Variants in SOX5 observed in about 807,000 individuals in gnomAD.
SOX5 encodes SRY-box transcription factor 5.
Under a neutral mutation model 92.0 loss-of-function variants are expected in SOX5, and 9 were observed. The ratio of observed to expected loss-of-function variants is 0.10; its 90% CI spans 0.06 to 0.17. The LOEUF is 0.17. Among genes scored for constraint, SOX5 ranks in the 10% least tolerant of loss-of-function variants. The probability of loss-of-function intolerance (pLI) is 1.00; values close to 1 mark genes in which losing one functional copy is unlikely to be tolerated. For missense variants in SOX5, 642 were observed against 944.5 expected, an observed-to-expected ratio of 0.68 and a Z score of 4.20; for synonymous variants, 344 against 336.3, an observed-to-expected ratio of 1.02 and a Z score of -0.25.
At chr12:23,750,839 T>C (rs866819354) in intron 4 of SOX5, among the ~76,000 whole-genome samples, 3 of 151,890 alleles carry the variant, frequency 2.0e-5, no homozygotes, top group Non-Finnish European at 4.4e-5. Context: ...TACAGCTCAA[T>C]TGAGATACAG....
chr12:24,459,761 A>T (rs1352600250), intron 1 of SOX5, among the ~76,000 whole-genome samples: 3 of 152,226 alleles, frequency 2.0e-5, no homozygotes, highest in Admixed American at 1.3e-4. Flanking sequence ...TCATACTTGT[A>T]TAATTATCTT....
At chr12:24,228,877 C>T (rs1192398845) in intron 3 of SOX5, among the ~76,000 whole-genome samples, 1 of 152,148 alleles carries the variant, frequency 6.6e-6, no homozygotes. Context: ...TCACCCCTGG[C>T]CTTCCTTCTC....
In SOX5 at chr12:24,187,365, T is replaced by A. The variant is rs183947257; in HGVS notation, c.-2+25978A>T. 2.2e-3 allele frequency among the ~76,000 whole-genome samples: 333 copies of A among 152,330 alleles called. 1 individual carries two copies. Among genetic ancestry groups the A allele is most frequent in the Non-Finnish European group, 3.2e-3 (221 of 68,014 alleles). ...ATATCTCTTGCTTTTGATTTTAAAC[T>A]TAATTGTTAAATATCTGCAAAAATA... On this transcript the variant is annotated intron_variant, in intron 4 of 4. Coordinates refer to the SOX5 transcript ENST00000446891.
chr12:24,481,216 C>A (rs796526895), intron 1 of SOX5, among the ~76,000 whole-genome samples: 3 of 151,876 alleles, frequency 2.0e-5, no homozygotes, highest in African/African-American at 7.2e-5. Flanking sequence ...AAACAATTGA[C>A]CTCATGGAGA....
intron 6 of SOX5, among the ~76,000 whole-genome samples, chr12:23,700,214 T>C (rs2090440806): frequency 6.6e-6 from 1 of 151,980 alleles, no homozygotes; most frequent in African/African-American, 2.4e-5. Context: ...TTTTCTTCTG[T>C]TTTTTAACTT....
At chr12:24,002,250 G>GA (rs150509141) in intron 4 of SOX5, among the ~76,000 whole-genome samples, 1,590 of 151,478 alleles carry the variant, frequency 0.01, 26 homozygotes, top group African/African-American at 0.034. Context: ...AAACAAGAGA[G>GA]AAAAAATCAA....
In SOX5 at chr12:24,178,263, T is replaced by C. The variant is rs1048038113; in HGVS notation, c.-2+35080A>G. 2.7e-5 allele frequency among the ~76,000 whole-genome samples: 4 copies of C among 148,296 alleles called. No individual in the cohort carries two copies. In the South Asian group the frequency reaches 8.6e-4, roughly 32 times the overall value. The stretch of plus-strand genomic sequence containing the variant: ...GCTTGACTTTTTTTTTTTTTTTTTT[T>C]TTCCCATTTAAGCACTGCAAGTATT... On this transcript the variant is annotated intron_variant, in intron 4 of 4. Coordinates refer to the SOX5 transcript ENST00000446891.
chr12:24,323,613 A>C (rs1343175272), intron 2 of SOX5, among the ~76,000 whole-genome samples: 1 of 152,146 alleles, frequency 6.6e-6, no homozygotes, highest in Non-Finnish European at 1.5e-5. Context: ...TGAGGAAAAT[A>C]AAAATGCCCT....
chr12:24,318,569 A>G (rs1350218703), intron 2 of SOX5, among the ~76,000 whole-genome samples: 2 of 152,172 alleles, frequency 1.3e-5, no homozygotes, highest in African/African-American at 2.4e-5. Context: ...GGCTTATCCT[A>G]TTATTAGTTG....
At chr12:23,672,456 CT>C (rs1467712440) in intron 6 of SOX5, among the ~76,000 whole-genome samples, 1 of 152,094 alleles carries the variant, frequency 6.6e-6, no homozygotes, top group African/African-American at 2.4e-5. Context: ...CAAAGGGCCC[CT>C]GGGCCCTATG....
At chr12:24,340,391 T>C (rs492838) in intron 2 of SOX5, among the ~76,000 whole-genome samples, 103,611 of 152,120 alleles carry the variant, frequency 0.68, 35,454 homozygotes, top group Middle Eastern at 0.71. Flanking sequence ...CAACTTGCTA[T>C]CCAGGGAACT....
At chr12:23,892,025 A>T (rs1312964453) in intron 2 of SOX5, among the ~76,000 whole-genome samples, 1 of 152,176 alleles carries the variant, frequency 6.6e-6, no homozygotes, top group Admixed American at 6.5e-5. Flanking sequence ...TTGAATATCT[A>T]GTATATGTTA....
chr12:24,319,578 T>A (rs1190065155), intron 2 of SOX5, among the ~76,000 whole-genome samples: 5 of 152,226 alleles, frequency 3.3e-5, no homozygotes, highest in African/African-American at 1.2e-4. Flanking sequence ...CTTCATATGC[T>A]ATCTGAATTT....
intron 4 of SOX5, among the ~76,000 whole-genome samples, chr12:24,139,260 T>C (rs1247327184): frequency 6.6e-6 from 1 of 152,154 alleles, no homozygotes; most frequent in South Asian, 2.1e-4. Flanking sequence ...ATATGTTCAT[T>C]GGGAGCGAAA....
At chr12:23,623,777 C>T (rs1163931884) in intron 8 of SOX5, among the ~76,000 whole-genome samples, 1 of 151,980 alleles carries the variant, frequency 6.6e-6, no homozygotes, top group Non-Finnish European at 1.5e-5. Context: ...ATTAGGATAA[C>T]AATCATAAAA....
chr12:23,658,204 A>G (rs1189686753), intron 7 of SOX5, among the ~76,000 whole-genome samples: 2 of 152,234 alleles, frequency 1.3e-5, no homozygotes, highest in African/African-American at 4.8e-5. Context: ...GATTGCCACA[A>G]CAAAGACATA....
chr12:24,151,670 T>C (rs1304533922), intron 4 of SOX5, among the ~76,000 whole-genome samples: 1 of 152,076 alleles, frequency 6.6e-6, no homozygotes, highest in Non-Finnish European at 1.5e-5. Context: ...AACTCCTTTT[T>C]CCTGAACTAC....
intron 2 of SOX5, among the ~76,000 whole-genome samples, chr12:24,314,363 T>G (rs1949498946): frequency 1.7e-5 from 2 of 117,750 alleles, no homozygotes; most frequent in Admixed American, 9.2e-5. Flanking sequence ...CAGAGCCTGT[T>G]GTGGAGTAGG....
intron 3 of SOX5, among the ~76,000 whole-genome samples, chr12:23,786,660 G>C (rs2095385565): frequency 9.0e-6 from 1 of 110,990 alleles, no homozygotes; most frequent in African/African-American, 3.4e-5. Flanking sequence ...CAATAGCGTA[G>C]GTATGCAACT....
Sources: gnomAD v4.1 joint callset for allele counts (sites outside exome capture counted in the v4.1 genomes callset) on GRCh38, gnomAD v4.1.1 for gene constraint, MANE v1.5 for transcripts, NCBI Gene and HGNC (gene_info 2026-07-23, HGNC 2026-07-21) for gene names.